CHL1: variants seen among roughly 807,000 people sequenced by gnomAD.
CHL1 encodes the protein cell adhesion molecule L1 like.
Under a neutral mutation model 141.9 loss-of-function variants are expected in CHL1, and 96 were observed. That is an observed-to-expected ratio of 0.68 (90% confidence interval 0.57 to 0.80). The LOEUF is 0.80. Ranked by LOEUF, CHL1 falls within the 30% of genes least tolerant of loss-of-function variation. CHL1 has a pLI of 0.00. For missense variants in CHL1, 1,820 were observed against 1,457.2 expected, an observed-to-expected ratio of 1.25 and a Z score of -4.05; for synonymous variants, 613 against 502.2, an observed-to-expected ratio of 1.22 and a Z score of -2.95.
At chr3:307,343 A>G (rs1032562717) in intron 2 of CHL1, among the ~76,000 whole-genome samples, 1 of 152,176 alleles carries the variant, frequency 6.6e-6, no homozygotes, top group African/African-American at 2.4e-5. Context: ...CGTACACTTC[A>G]CAGAATTATA....
At chr3:370,286 T>C (rs1705460124) in intron 15 of CHL1, among the ~76,000 whole-genome samples, 1 of 152,198 alleles carries the variant, frequency 6.6e-6, no homozygotes, top group Non-Finnish European at 1.5e-5. Flanking sequence ...TTGTTATTGC[T>C]CTATTCAGGG....
intron 1 of CHL1, among the ~76,000 whole-genome samples, chr3:206,824 T>C (rs561504579): frequency 1.3e-5 from 2 of 152,252 alleles, no homozygotes; most frequent in Non-Finnish European, 2.9e-5. Context: ...TTGGCAGAAA[T>C]GTTTCTGATA....
At chr3:297,652 G>A (rs992450960) in intron 2 of CHL1, among the ~76,000 whole-genome samples, 1 of 152,102 alleles carries the variant, frequency 6.6e-6, no homozygotes, top group Non-Finnish European at 1.5e-5. Context: ...GTTGTATTAC[G>A]GAAGTACTTG....
chr3:255,922 A>G (rs1272622847), intron 2 of CHL1, among the ~76,000 whole-genome samples: 2 of 152,190 alleles, frequency 1.3e-5, no homozygotes, highest in Non-Finnish European at 2.9e-5. Flanking sequence ...TTTTTACACT[A>G]TCTAAAAGGA....
At chr3:361,638 T>A (rs1477017213) in intron 12 of CHL1, 61 bp from the exon 13 acceptor site, 1 of 1,154,220 alleles carries the variant, frequency 8.7e-7, no homozygotes, top group Non-Finnish European at 1.3e-6. Context: ...ATAGAAAAAT[T>A]TAATTTGCAT....
At chr3:202,313 C>A (rs534354552) in intron 1 of CHL1, among the ~76,000 whole-genome samples, 1 of 152,056 alleles carries the variant, frequency 6.6e-6, no homozygotes, top group Non-Finnish European at 1.5e-5. Context: ...AGGGACAGAG[C>A]GTATGTGTGT....
intron 2 of CHL1, among the ~76,000 whole-genome samples, chr3:276,415 A>G (rs1205305870): frequency 6.6e-6 from 1 of 152,158 alleles, no homozygotes; most frequent in Non-Finnish European, 1.5e-5. Flanking sequence ...GCCTGTTTGG[A>G]AGAAAGCTGG....
At chr3:331,102 A>G (rs330894) in intron 5 of CHL1, among the ~76,000 whole-genome samples, 11,610 of 152,310 alleles carry the variant, frequency 0.076, 518 homozygotes, top group South Asian at 0.12. Flanking sequence ...GAACAGTGAA[A>G]GGAAAAAATG....
chr3:303,879 A>C (rs1460964314), intron 2 of CHL1, among the ~76,000 whole-genome samples: 1 of 152,086 alleles, frequency 6.6e-6, no homozygotes, highest in African/African-American at 2.4e-5. Flanking sequence ...AATAGCTCTT[A>C]TTATTTTGAG....
chr3:306,416 C>T (rs570668481), intron 2 of CHL1, among the ~76,000 whole-genome samples: 1 of 152,044 alleles, frequency 6.6e-6, no homozygotes, highest in African/African-American at 2.4e-5. Flanking sequence ...AACAAAAATA[C>T]CTATACCTTT....
chr3:388,953 A>C (rs1017025490), intron 19 of CHL1, among the ~76,000 whole-genome samples: 2 of 152,244 alleles, frequency 1.3e-5, no homozygotes, highest in Admixed American at 1.3e-4. Context: ...ACTTTGTGGA[A>C]TTTCTTTGTA....
chr3:354,618 G>C, intron 10 of CHL1, 22 bp from the exon 11 acceptor site: 1 of 1,599,452 alleles, frequency 6.3e-7, no homozygotes, highest in Non-Finnish European at 8.5e-7. Context: ...CATCTCTCAT[G>C]AGCTCTTCAC....
intron 3 of CHL1, 127 bp downstream of exon 3, chr3:319,994 T>C: frequency 1.7e-6 from 1 of 585,274 alleles, no homozygotes; most frequent in East Asian, 3.0e-5. Context: ...TAGCAATCTG[T>C]CATGAGAATT....
intron 2 of CHL1, among the ~76,000 whole-genome samples, chr3:301,173 C>A (rs1412041650): frequency 1.3e-5 from 2 of 152,158 alleles, no homozygotes; most frequent in Admixed American, 6.6e-5. Context: ...AGAAGGGATT[C>A]AGACCCCAGA....
chr3:325,636 A>T (rs888709020), intron 3 of CHL1, among the ~76,000 whole-genome samples: 3 of 152,070 alleles, frequency 2.0e-5, no homozygotes, highest in African/African-American at 7.2e-5. Context: ...GCATGCTAAC[A>T]TAGATTGAAT....
In CHL1 at chr3:331,400, T is replaced by A. The variant is rs555193589; in HGVS notation, c.385+3046T>A. 5.3e-5 allele frequency among the ~76,000 whole-genome samples: 8 copies of A among 152,074 alleles called. No homozygotes were observed. The South Asian group carries it at 1.5e-3, about 28-fold the overall frequency. On this transcript the variant is annotated intron_variant, in intron 5 of 27. Coordinates refer to ENST00000256509, the MANE Select transcript of CHL1 (RefSeq NM_006614.4). The stretch of plus-strand genomic sequence containing the variant: ...GGCGAGTGCTACCGTGCCTGGCCAA[T>A]TTTTATTTTTATTTTTATTTTTGTA...
chr3:337,572 T>A (rs751504252), intron 5 of CHL1, among the ~76,000 whole-genome samples: 41 of 148,154 alleles, frequency 2.8e-4, no homozygotes, highest in Admixed American at 1.4e-4. Flanking sequence ...TATGTCCAAG[T>A]GTTCTCATTG....
At chr3:220,773 G>T (rs938454703) in intron 1 of CHL1, among the ~76,000 whole-genome samples, 2 of 152,182 alleles carry the variant, frequency 1.3e-5, no homozygotes, top group Non-Finnish European at 2.9e-5. Context: ...TTGTGAAGGT[G>T]TTAGGAAATG....
intron 2 of CHL1, among the ~76,000 whole-genome samples, chr3:245,196 T>A (rs980834563): frequency 1.3e-5 from 2 of 152,108 alleles, no homozygotes. Flanking sequence ...GAATCCTTGA[T>A]TGGAGTTTTT....
Sources: allele counts gnomAD v4.1 joint callset (sites outside exome capture counted in the v4.1 genomes callset), GRCh38; gene constraint gnomAD v4.1.1; transcripts MANE v1.5; gene names NCBI Gene and HGNC (gene_info 2026-07-23, HGNC 2026-07-21).